Variants in ATP2B4 observed in about 807,000 individuals in gnomAD.
ATP2B4 encodes the protein ATPase plasma membrane Ca2+ transporting 4, also known as plasma membrane calcium-transporting ATPase 4.
Under a neutral mutation model 110.3 loss-of-function variants are expected in ATP2B4, and 39 were observed. That is an observed-to-expected ratio of 0.35 (90% CI 0.27 to 0.46). The LOEUF is 0.46. Among genes scored for constraint, ATP2B4 ranks in the 20% least tolerant of loss-of-function variants. The pLI, the probability that ATP2B4 is intolerant of heterozygous loss-of-function variation, is 1.00. For synonymous variants in ATP2B4, 538 were observed against 571.7 expected (o/e 0.94, Z 0.84); for missense variants, 1,135 against 1,530.9 (o/e 0.74, Z 4.32).
Position 203,727,481 on chromosome 1 carries a change from C to T in ATP2B4, c.3219C>T (p.Ala1073=), listed in dbSNP as rs142011973. 8.6e-4 allele frequency: 1,384 copies of T among 1,614,178 alleles called. 4 individuals carry two copies. In the African/African-American group the frequency reaches 0.011, roughly 13 times the overall value. Residue 1073 remains alanine, a synonymous_variant, in exon 20 of 21, where the codon GCC becomes GCT. Transcript: ENST00000357681. ...GTTKEEITKD[A]EGLDEIDHAE... ...CCAAAGAGGAGATCACCAAGGATGC[C>T]GAGGGACTGGATGAGATTGACCATG...
intron 1 of ATP2B4, among the ~76,000 whole-genome samples, chr1:203,643,425 C>T (rs907282280): frequency 6.6e-6 from 1 of 152,182 alleles, no homozygotes; most frequent in Non-Finnish European, 1.5e-5. Context: ...CTGTCAGCTG[C>T]ACTGGAATTG....
chr1:203,642,828 T>G (rs907686749), intron 1 of ATP2B4, among the ~76,000 whole-genome samples: 1 of 152,214 alleles, frequency 6.6e-6, no homozygotes, highest in Non-Finnish European at 1.5e-5. Flanking sequence ...ATTTAGGCTC[T>G]CAGACTCAAT....
intron 2 of ATP2B4, among the ~76,000 whole-genome samples, chr1:203,691,826 G>C (rs1301793287): frequency 6.6e-6 from 1 of 152,074 alleles, no homozygotes; most frequent in Non-Finnish European, 1.5e-5. Flanking sequence ...TTGATTTTAA[G>C]TTACTCCTCC....
chr1:203,662,568 TTG>T (rs922324626), intron 1 of ATP2B4, among the ~76,000 whole-genome samples: 4 of 152,244 alleles, frequency 2.6e-5, no homozygotes, highest in Admixed American at 2.6e-4. Flanking sequence ...CTGTATTTGT[TTG>T]TGTGTGTGTG....
intron 8 of ATP2B4, among the ~76,000 whole-genome samples, chr1:203,705,226 C>G (rs1571743718): frequency 1.3e-5 from 2 of 152,354 alleles, no homozygotes; most frequent in South Asian, 4.1e-4. Flanking sequence ...GGCCTAACCT[C>G]TTCATGTCCA....
intron 20 of ATP2B4, 71 bp from the exon 21 acceptor site, chr1:203,739,475 C>T: frequency 6.8e-7 from 1 of 1,471,018 alleles, no homozygotes; most frequent in Non-Finnish European, 9.3e-7. Context: ...CTAAATCCAC[C>T]ATCTCCTTGT....
intron 1 of ATP2B4, among the ~76,000 whole-genome samples, chr1:203,678,105 TC>T (rs1664882278): frequency 6.6e-6 from 1 of 152,214 alleles, no homozygotes; most frequent in African/African-American, 2.4e-5. Context: ...CCCTCCTGTT[TC>T]CTTTCTCCCA....
At chr1:203,650,015 T>G (rs771388216) in intron 1 of ATP2B4, among the ~76,000 whole-genome samples, 3 of 152,202 alleles carry the variant, frequency 2.0e-5, no homozygotes, top group Non-Finnish European at 4.4e-5. Flanking sequence ...ATAGCCTGTT[T>G]TGAAGCATCT....
At position 203,721,224 on chromosome 1, in the gene ATP2B4, T is replaced by C. The variant is rs973604260; in HGVS notation, c.2626T>C (p.Leu876=). ...TTCCCCATTGAAAGCTGTGCAGATG[T>C]TGTGGGTTAATCTGATCATGGACAC... is the stretch of plus-strand genomic sequence containing the variant. The part of the protein sequence containing the change: ...QDSPLKAVQM[L]WVNLIMDTFA... The change falls in exon 17 of 21, where the codon TTG becomes CTG. Residue 876 remains leucine (L), a synonymous_variant. Coordinates refer to ENST00000357681, the MANE Select transcript of ATP2B4 (RefSeq NM_001684.5). 6.2e-7 allele frequency: 1 copy of C among 1,614,142 alleles called. No individual in the cohort carries two copies. Among genetic ancestry groups the C allele is most frequent in the Non-Finnish European group, 8.5e-7 (1 of 1,180,022 alleles).
rs1167626932 is a variant in ATP2B4, at chr1:203,714,129, G to A, written c.2300-42G>A. 11 of 1,576,168 alleles carry A rather than the reference G, an allele frequency of 7.0e-6. No individual in the cohort carries two copies. In the African/African-American group the frequency reaches 8.1e-5, roughly 12 times the overall value. ...CGGGTGGTAGGAACTGAAGGGTGGG[G>A]GAGACCAGAAAAGCTCACTGTGGTG... On this transcript the variant is annotated intron_variant, in intron 14 of 20. Transcript: ENST00000357681.
intron 14 of ATP2B4, among the ~76,000 whole-genome samples, 186 bp downstream of exon 14, chr1:203,713,438 A>C (rs1347550920): frequency 6.6e-6 from 1 of 151,850 alleles, no homozygotes; most frequent in African/African-American, 2.4e-5. Flanking sequence ...ACACACAATA[A>C]AGTTGTTGGG....
At position 203,698,355 on chromosome 1, in the gene ATP2B4, G is replaced by T; in HGVS notation, c.391+1G>T. The T allele has an allele frequency of 1.2e-6, 2 of 1,613,942 alleles. No homozygotes were observed. The highest frequency in any genetic ancestry group is 1.7e-6 in the Non-Finnish European group (2 of 1,179,878). ...CGCCCTGCTGGTGAAGAAAATGAAC[G>T]TGAGTGTCCTAAACAGCTCAGCGTG... On this transcript the variant is annotated splice_donor_variant, in intron 3 of 20. Transcript: ENST00000357681. LOFTEE classifies it high-confidence loss of function.
intron 1 of ATP2B4, among the ~76,000 whole-genome samples, chr1:203,637,699 G>A (rs76067992): frequency 0.014 from 2,136 of 152,318 alleles, 61 homozygotes; most frequent in African/African-American, 0.048. Context: ...CAGAGCCCTT[G>A]TTTGGACTCT....
intron 1 of ATP2B4, among the ~76,000 whole-genome samples, chr1:203,658,243 C>T (rs1284775071): frequency 6.6e-6 from 1 of 151,996 alleles, no homozygotes; most frequent in Admixed American, 6.6e-5. Flanking sequence ...GGATGATGGA[C>T]TGAGCACTGT....
intron 14 of ATP2B4, 114 bp downstream of exon 14, chr1:203,713,366 G>C: frequency 9.0e-7 from 1 of 1,111,676 alleles, no homozygotes; most frequent in Non-Finnish European, 1.3e-6. Flanking sequence ...GGTCCTAGGA[G>C]AGCTCCCAGG....
chr1:203,732,484 AG>A (rs1000307187), intron 20 of ATP2B4, among the ~76,000 whole-genome samples: 5 of 152,192 alleles, frequency 3.3e-5, no homozygotes, highest in Non-Finnish European at 5.9e-5. Flanking sequence ...AGCTCAGACA[AG>A]ATACCCAGAG....
At chr1:203,733,331 G>A (rs778070536) in intron 20 of ATP2B4, 29 of 1,614,022 alleles carry the variant, frequency 1.8e-5, no homozygotes, top group Non-Finnish European at 1.7e-5. Flanking sequence ...TTCATCCTAT[G>A]TAGCAGTTGC....
At chr1:203,650,883 TA>T (rs1380483666) in intron 1 of ATP2B4, among the ~76,000 whole-genome samples, 5 of 152,242 alleles carry the variant, frequency 3.3e-5, no homozygotes, top group Non-Finnish European at 7.3e-5. Flanking sequence ...AGTTGATTGA[TA>T]TTTTTTTATT....
intron 1 of ATP2B4, among the ~76,000 whole-genome samples, chr1:203,680,853 G>A (rs1041156144): frequency 8.5e-5 from 13 of 152,178 alleles, no homozygotes; most frequent in African/African-American, 3.1e-4. Context: ...ATTGTAGTGG[G>A]TGAAGACAGA....
Sources: allele counts gnomAD v4.1 joint callset (sites outside exome capture counted in the v4.1 genomes callset), GRCh38; gene constraint gnomAD v4.1.1; transcripts MANE v1.5; gene names NCBI Gene and HGNC (gene_info 2026-07-23, HGNC 2026-07-21).